RXFP1: variants seen among roughly 807,000 people sequenced by gnomAD.
RXFP1 encodes the protein relaxin receptor 1.
In RXFP1, 73 loss-of-function variants were observed where a neutral mutation model predicts 89.8. The observed-to-expected ratio is 0.81, with a 90% CI of 0.67 to 0.99. RXFP1 has a LOEUF of 0.99. RXFP1 is among the 50% of genes least tolerant of loss of function. The pLI, the probability that RXFP1 is intolerant of heterozygous loss-of-function variation, is 0.00. For missense variants in RXFP1, 793 were observed against 895.5 expected, an observed-to-expected ratio of 0.89 and a Z score of 1.46; for synonymous variants, 277 against 305.5, an observed-to-expected ratio of 0.91 and a Z score of 0.97.
At chr4:158,610,553 TA>T in intron 6 of RXFP1, 1 of 504,876 alleles carries the variant, frequency 2.0e-6, no homozygotes, top group Non-Finnish European at 3.5e-6. Flanking sequence ...AACCATTTTT[TA>T]AAAGTACTTA....
intron 2 of RXFP1, among the ~76,000 whole-genome samples, chr4:158,591,066 A>G (rs1759358490): frequency 6.6e-6 from 1 of 152,206 alleles, no homozygotes. Context: ...GCTGGTGTGT[A>G]TAAACCTCAG....
At chr4:158,587,942 A>G (rs1758620238) in intron 2 of RXFP1, among the ~76,000 whole-genome samples, 1 of 152,168 alleles carries the variant, frequency 6.6e-6, no homozygotes. Flanking sequence ...AAGTCTCTCA[A>G]AGAATTCTCC....
chr4:158,549,857 C>T (rs1193192500), intron 1 of RXFP1, among the ~76,000 whole-genome samples: 1 of 152,210 alleles, frequency 6.6e-6, no homozygotes, highest in Non-Finnish European at 1.5e-5. Context: ...TCAGTCTGCC[C>T]CTACTGGGGG....
intron 1 of RXFP1, among the ~76,000 whole-genome samples, chr4:158,527,540 T>C (rs911254894): frequency 1.2e-5 from 1 of 80,330 alleles, no homozygotes; most frequent in South Asian, 4.2e-4. Context: ...TGAGACTCCA[T>C]CTCCCCCGCT....
intron 2 of RXFP1, among the ~76,000 whole-genome samples, chr4:158,582,230 G>C (rs1409027004): frequency 6.6e-6 from 1 of 152,186 alleles, no homozygotes; most frequent in Non-Finnish European, 1.5e-5. Flanking sequence ...AAGTGAGTGA[G>C]AAATGTAAAT....
At chr4:158,641,835 T>C (rs971633828) in intron 14 of RXFP1, among the ~76,000 whole-genome samples, 11 of 152,236 alleles carry the variant, frequency 7.2e-5, no homozygotes, top group African/African-American at 2.7e-4. Context: ...TCTCTTCCTA[T>C]TAATGATGCT....
intron 1 of RXFP1, among the ~76,000 whole-genome samples, chr4:158,548,091 C>A (rs944098027): frequency 4.6e-5 from 7 of 152,150 alleles, no homozygotes; most frequent in African/African-American, 1.7e-4. Context: ...GCCTAAGTCT[C>A]TTTGTAGGTC....
At chr4:158,524,816 A>T (rs1040601983) in intron 1 of RXFP1, among the ~76,000 whole-genome samples, 2 of 143,272 alleles carry the variant, frequency 1.4e-5, no homozygotes, top group Non-Finnish European at 3.0e-5. Context: ...ATTATTTCTT[A>T]AATGATATCA....
Position 158,603,899 on chromosome 4 carries a change from A to AATAATG in RXFP1, c.393-1164_393-1163insGATAAT, listed in dbSNP as rs780115007. 8.5e-3 allele frequency among the ~76,000 whole-genome samples: 1,243 copies of AATAATG among 146,202 alleles called. 15 individuals carry two copies. The highest frequency in any genetic ancestry group is 0.028 in the African/African-American group (1,141 of 40,208). On this transcript the variant is annotated intron_variant, in intron 4 of 17. Transcript: ENST00000307765. ...AGTAAGACTCCATCTCAATAATAAT[A>AATAATG]ATAATAATAATAATAATAATAATAA...
At chr4:158,631,119 T>C (rs1375274171) in intron 11 of RXFP1, among the ~76,000 whole-genome samples, 1 of 152,166 alleles carries the variant, frequency 6.6e-6, no homozygotes, top group Admixed American at 6.5e-5. Context: ...GCCAACACTA[T>C]CCCATTACAT....
At chr4:158,566,076 G>C (rs1579655699) in intron 1 of RXFP1, among the ~76,000 whole-genome samples, 1 of 152,232 alleles carries the variant, frequency 6.6e-6, no homozygotes, top group East Asian at 1.9e-4. Context: ...AATGCAAGGA[G>C]CGATTCCAAA....
chr4:158,561,068 T>G (rs982436895), intron 1 of RXFP1, among the ~76,000 whole-genome samples: 2 of 152,218 alleles, frequency 1.3e-5, no homozygotes, highest in Non-Finnish European at 2.9e-5. Context: ...GCCTTTAACT[T>G]CAATTTACAA....
At position 158,599,406 on chromosome 4, in the gene RXFP1, T is replaced by A. The variant is rs1410139118; in HGVS notation, c.367T>A (p.Ser123Thr). The stretch of plus-strand genomic sequence containing the variant: ...TGAAACCAATTTACGAGCTGTTCCA[T>A]CGGTTTCTTCAAATGTGACTGCAAT... ...CDETNLRAVP[S>T]VSSNVTAMSL... Residue 123 changes from serine (S) to threonine (T), a missense_variant, in exon 4 of 18, where the codon TCG (serine) becomes ACG (threonine). Coordinates refer to ENST00000307765, the MANE Select transcript of RXFP1 (RefSeq NM_021634.4). 1 of 1,613,524 alleles carries A rather than the reference T, an allele frequency of 6.2e-7. No individual in the cohort carries two copies. Among genetic ancestry groups the A allele is most frequent in the Non-Finnish European group, 8.5e-7 (1 of 1,179,714 alleles).
chr4:158,620,785 G>C (rs1765475460), intron 9 of RXFP1, among the ~76,000 whole-genome samples: 1 of 152,148 alleles, frequency 6.6e-6, no homozygotes, highest in Admixed American at 6.6e-5. Flanking sequence ...CAATAGAACT[G>C]TAAAGAGAAA....
At chr4:158,541,214 G>T (rs991559572) in intron 1 of RXFP1, among the ~76,000 whole-genome samples, 3 of 152,026 alleles carry the variant, frequency 2.0e-5, no homozygotes, top group Admixed American at 2.0e-4. Flanking sequence ...TTGTCCTTTT[G>T]GTTAAAGATG....
At chr4:158,522,948 ACTCTC>A in intron 1 of RXFP1, among the ~76,000 whole-genome samples, 1 of 151,750 alleles carries the variant, frequency 6.6e-6, no homozygotes, top group Non-Finnish European at 1.5e-5. Flanking sequence ...TTCAATCCTG[ACTCTC>A]CCAATTGTAA....
At chr4:158,614,862 T>C (rs1336423332) in intron 8 of RXFP1, among the ~76,000 whole-genome samples, 1 of 152,234 alleles carries the variant, frequency 6.6e-6, no homozygotes, top group Non-Finnish European at 1.5e-5. Flanking sequence ...CTATGTTTAA[T>C]CATTTCTAGC....
intron 2 of RXFP1, among the ~76,000 whole-genome samples, chr4:158,579,512 C>T (rs1756922167): frequency 6.6e-6 from 1 of 152,202 alleles, no homozygotes; most frequent in Non-Finnish European, 1.5e-5. Flanking sequence ...GATCCGCCCA[C>T]CTCGGCCTCC....
chr4:158,629,848 C>T (rs1196898490), intron 11 of RXFP1, among the ~76,000 whole-genome samples: 4 of 151,930 alleles, frequency 2.6e-5, no homozygotes, highest in African/African-American at 4.8e-5. Context: ...TGGCCTAGAA[C>T]TCCTGGCCTT....
Sources: allele counts gnomAD v4.1 joint callset (sites outside exome capture counted in the v4.1 genomes callset), GRCh38; gene constraint gnomAD v4.1.1; transcripts MANE v1.5; gene names NCBI Gene and HGNC (gene_info 2026-07-23, HGNC 2026-07-21).